The following AMMECR1 variants were observed in gnomAD, a reference collection of about 807,000 sequenced individuals.
AMMECR1 encodes nuclear protein AMMECR1.
Under a neutral mutation model 22.5 loss-of-function variants are expected in AMMECR1, and 3 were observed. The observed-to-expected ratio is 0.13, with a 90% confidence interval of 0.06 to 0.35. The LOEUF is 0.35. Ranked by LOEUF, AMMECR1 falls within the 10% of genes least tolerant of loss-of-function variation. AMMECR1 has a pLI of 1.00. For synonymous variants in AMMECR1, 130 were observed against 116.7 expected, an observed-to-expected ratio of 1.11 and a Z score of -0.74; for missense variants, 235 against 278.7, an observed-to-expected ratio of 0.84 and a Z score of 1.12.
At chrX:110,406,811 G>T (rs892074131) in intron 2 of AMMECR1, among the ~76,000 whole-genome samples, 30 of 112,161 alleles carry the variant, frequency 2.7e-4, no homozygotes, top group East Asian at 2.8e-4. Context: ...TGTAGTGTGT[G>T]CTCCATAAAT....
chrX:110,263,100 A>T (rs1467293578), intron 2 of AMMECR1, among the ~76,000 whole-genome samples: 2 of 111,138 alleles, frequency 1.8e-5, no homozygotes, highest in Non-Finnish European at 3.8e-5. Flanking sequence ...TGTACAATAA[A>T]TTGCCATTGA....
intron 3 of AMMECR1, among the ~76,000 whole-genome samples, chrX:110,207,427 ACTC>A (rs2067427059): frequency 9.0e-6 from 1 of 111,202 alleles, no homozygotes; most frequent in Non-Finnish European, 1.9e-5. Flanking sequence ...ACTTAGGCCT[ACTC>A]CAAGTTTCTC....
chrX:110,316,626 G>C (rs780248669), intron 1 of AMMECR1, among the ~76,000 whole-genome samples: 1 of 109,221 alleles, frequency 9.2e-6, no homozygotes, highest in South Asian at 3.9e-4. Context: ...CAAATGGACA[G>C]GGATTAGAAT....
chrX:110,404,013 G>A (rs1187151432), intron 2 of AMMECR1, among the ~76,000 whole-genome samples: 1 of 112,518 alleles, frequency 8.9e-6, no homozygotes, highest in Admixed American at 9.4e-5. Flanking sequence ...AGTCCAGCAT[G>A]GGGTGGAAGC....
chrX:110,260,489 T>C (rs748804101), intron 2 of AMMECR1, among the ~76,000 whole-genome samples: 2 of 111,122 alleles, frequency 1.8e-5, no homozygotes, highest in African/African-American at 3.3e-5. Context: ...TATTTGAACA[T>C]ACAACTTGAC....
In AMMECR1 at chrX:110,198,368, G is replaced by A. The variant is rs1337752526; in HGVS notation, c.*152C>T. ...CCATTTTTCTACCCGTTACCATGATGATCTTAGTTGACGATGTCGAAGCTT... is the reference window on the plus strand; with the variant it reads ...CCATTTTTCTACCCGTTACCATGATAATCTTAGTTGACGATGTCGAAGCTT... On this transcript the variant is annotated 3_prime_UTR_variant, in exon 6 of 6. Transcript: ENST00000262844. 3.2e-6 allele frequency: 1 copy of A among 311,869 alleles called. No individual in the cohort carries two copies. Among genetic ancestry groups the A allele is most frequent in the South Asian group, 1.6e-4 (1 of 6,326 alleles). The allele number at this position is 311,869 out of a possible 1,213,427, so 25.7% of individuals were successfully genotyped here. A position where few individuals can be genotyped will look rare whatever the true frequency, so the allele number is the denominator to read the frequency against.
intron 1 of AMMECR1, among the ~76,000 whole-genome samples, chrX:110,286,671 C>CAAA (rs775821051): frequency 3.0e-5 from 2 of 67,012 alleles, no homozygotes; most frequent in Non-Finnish European, 2.9e-5. Flanking sequence ...GACCCTGTCT[C>CAAA]AAAAAAAAAA....
chrX:110,221,963 T>A lies in AMMECR1; in HGVS notation c.585-5331A>T, dbSNP rs748047728. On this transcript the variant is annotated intron_variant, in intron 2 of 5. Transcript: ENST00000262844. ...AGGAAACAACAGGTGCTGGAGAGGA[T>A]GTGGAGAAATAGGAACCCTTTTACA... 2.4e-3 allele frequency among the ~76,000 whole-genome samples: 264 copies of A among 108,917 alleles called. 1 individual carries two copies. The highest frequency in any genetic ancestry group is 4.2e-3 in the Non-Finnish European group (221 of 52,373). The allele number at this position is 108,917 out of a possible 115,157, so 94.6% of individuals were successfully genotyped here. A position where few individuals can be genotyped will look rare whatever the true frequency, so the allele number is the denominator to read the frequency against.
chrX:110,338,826 C>T (rs1201386581), intron 2 of AMMECR1, among the ~76,000 whole-genome samples: 1 of 111,615 alleles, frequency 9.0e-6, no homozygotes, highest in African/African-American at 3.3e-5. Context: ...CATCAACTCT[C>T]TAGTTCTGGA....
intron 3 of AMMECR1, among the ~76,000 whole-genome samples, chrX:110,205,324 T>G (rs757516302): frequency 2.7e-5 from 3 of 111,733 alleles, no homozygotes; most frequent in African/African-American, 9.8e-5. Flanking sequence ...GCACCAAAAC[T>G]AATTCCATAT....
chrX:110,242,570 A>T (rs1056072234), intron 2 of AMMECR1, among the ~76,000 whole-genome samples: 1 of 111,946 alleles, frequency 8.9e-6, no homozygotes, highest in African/African-American at 3.2e-5. Flanking sequence ...AATCAGGAGG[A>T]ACAAGAGGGC....
At chrX:110,406,124 T>C (rs2068599563) in intron 2 of AMMECR1, among the ~76,000 whole-genome samples, 1 of 110,611 alleles carries the variant, frequency 9.0e-6, no homozygotes, top group African/African-American at 3.3e-5. Context: ...GTTTTTTTTT[T>C]TTCTTCAAGT....
chrX:110,198,577 A>C lies in AMMECR1; in HGVS notation c.945T>G (p.His315Gln), dbSNP rs752552594. Reference protein sequence around the residue: ...SYAEYLAHRQHHHFQNGIGHP... With the variant: ...SYAEYLAHRQQHHFQNGIGHP... ...GCCCAATGCCATTTTGGAAATGATG[A>C]TGCTGGCGATGAGCAAGGTATTCAG... The change falls in exon 6 of 6, where the codon CAT (histidine) becomes CAG (glutamine). Residue 315 changes from histidine to glutamine, a missense_variant. This residue lies in a region of AMMECR1 where 111 missense variants were observed against 181.7 expected (regional missense o/e 0.61). Transcript: ENST00000262844. 8.3e-7 allele frequency: 1 copy of C among 1,202,295 alleles called. No homozygotes were observed. The highest frequency in any genetic ancestry group is 3.0e-5 in the East Asian group (1 of 33,469).
intron 5 of AMMECR1, among the ~76,000 whole-genome samples, chrX:110,200,345 T>C (rs1253261991): frequency 8.9e-6 from 1 of 112,129 alleles, no homozygotes; most frequent in Admixed American, 9.4e-5. Context: ...TCTGAATTTG[T>C]AACTCCTCAG....
intron 2 of AMMECR1, among the ~76,000 whole-genome samples, chrX:110,220,174 G>C (rs1185480081): frequency 8.9e-6 from 1 of 112,115 alleles, no homozygotes; most frequent in Non-Finnish European, 1.9e-5. Flanking sequence ...TTAATGACAA[G>C]GGTAGGGATA....
intron 2 of AMMECR1, among the ~76,000 whole-genome samples, chrX:110,409,766 C>A (rs1337787988): frequency 9.0e-6 from 1 of 111,197 alleles, no homozygotes; most frequent in Non-Finnish European, 1.9e-5. Flanking sequence ...CTTCAGGGCT[C>A]CTGATAAGAG....
intron 2 of AMMECR1, among the ~76,000 whole-genome samples, chrX:110,337,007 G>T (rs1247426463): frequency 9.0e-6 from 1 of 110,866 alleles, no homozygotes; most frequent in Non-Finnish European, 1.9e-5. Flanking sequence ...CTTCCACAAA[G>T]AAATTATTTT....
intron 2 of AMMECR1, among the ~76,000 whole-genome samples, chrX:110,402,287 T>C (rs931691609): frequency 1.1e-4 from 12 of 113,176 alleles, no homozygotes; most frequent in African/African-American, 3.8e-4. Flanking sequence ...TATTTGTTTT[T>C]TGCCTATGAG....
chrX:110,220,519 G>A (rs1194064836), intron 2 of AMMECR1, among the ~76,000 whole-genome samples: 1 of 111,537 alleles, frequency 9.0e-6, no homozygotes, highest in Non-Finnish European at 1.9e-5. Flanking sequence ...AACTGACAAG[G>A]GGGTCCTGTA....
Sources: allele counts gnomAD v4.1 joint callset (sites outside exome capture counted in the v4.1 genomes callset), GRCh38; gene constraint gnomAD v4.1.1; regional missense constraint gnomAD v4.1.1; transcripts MANE v1.5; gene names NCBI Gene and HGNC (gene_info 2026-07-23, HGNC 2026-07-21).